The following ABTB3 variants were observed in gnomAD, a reference collection of about 807,000 sequenced individuals.
The protein encoded by ABTB3 is ankyrin repeat- and BTB/POZ domain-containing protein 3.
At chr12:107,572,665 ATGG>A in the ABTB3 span, among the ~76,000 whole-genome samples, 15 of 152,206 alleles carry the variant, frequency 9.9e-5, no homozygotes, top group South Asian at 2.9e-3. Context: ...CAGAGAGGAG[ATGG>A]TGGTTGAAGT....
chr12:107,545,364 C>G, the ABTB3 span, among the ~76,000 whole-genome samples: 1 of 152,034 alleles, frequency 6.6e-6, no homozygotes, highest in Non-Finnish European at 1.5e-5. Flanking sequence ...TCCTCAGCCC[C>G]CCTCAAGTAG....
chr12:107,360,784 CGCTCT>C, the ABTB3 span, among the ~76,000 whole-genome samples: 1 of 152,108 alleles, frequency 6.6e-6, no homozygotes, highest in Non-Finnish European at 1.5e-5. Context: ...AACAAGGTCT[CGCTCT>C]GTTGCCCAGG....
At chr12:107,626,343 C>CTTTTTTTTTTTTTTTTTTTTTTTTTTTTT in the ABTB3 span, among the ~76,000 whole-genome samples, 6 of 112,512 alleles carry the variant, frequency 5.3e-5, no homozygotes, top group African/African-American at 2.1e-4. Context: ...CTATCGTCAT[C>CTTTTTTTTTTTTTTTTTTTTTTTTTTTTT]TTTTTTTTTT....
At chr12:107,403,978 T>C in the ABTB3 span, among the ~76,000 whole-genome samples, 3 of 151,752 alleles carry the variant, frequency 2.0e-5, no homozygotes, top group African/African-American at 7.2e-5. Context: ...GCCTGGTCAA[T>C]ATGGTGAAAC....
At chr12:107,635,471 C>G in the ABTB3 span, 1 of 1,371,628 alleles carries the variant, frequency 7.3e-7, no homozygotes. Context: ...TAAGGAATGC[C>G]AGGAGGGAGG....
At chr12:107,430,207 T>C in the ABTB3 span, among the ~76,000 whole-genome samples, 1 of 152,232 alleles carries the variant, frequency 6.6e-6, no homozygotes, top group Non-Finnish European at 1.5e-5. Context: ...ATCTCTCTCC[T>C]AGAAAAATCA....
chr12:107,371,940 G>A, the ABTB3 span, among the ~76,000 whole-genome samples: 1 of 152,180 alleles, frequency 6.6e-6, no homozygotes, highest in Non-Finnish European at 1.5e-5. Context: ...CGGCATGTGA[G>A]ATGTAAACTG....
chr12:107,380,786 G>A, the ABTB3 span, among the ~76,000 whole-genome samples: 2 of 152,164 alleles, frequency 1.3e-5, no homozygotes, highest in African/African-American at 4.8e-5. Flanking sequence ...AAGGGCAAGA[G>A]GAATGTTTTA....
At chr12:107,611,330 A>G in the ABTB3 span, among the ~76,000 whole-genome samples, 2 of 152,082 alleles carry the variant, frequency 1.3e-5, no homozygotes, top group African/African-American at 2.4e-5. Flanking sequence ...ACAGGTGTGC[A>G]CCACCACACC....
the ABTB3 span, among the ~76,000 whole-genome samples, chr12:107,401,206 C>A: frequency 1.3e-5 from 2 of 152,144 alleles, no homozygotes; most frequent in African/African-American, 4.8e-5. Context: ...GGCTCAGCCT[C>A]AGAAAGCAAA....
the ABTB3 span, among the ~76,000 whole-genome samples, chr12:107,371,876 G>A: frequency 6.6e-6 from 1 of 152,084 alleles, no homozygotes; most frequent in Admixed American, 6.5e-5. Flanking sequence ...GAACTCAGAT[G>A]GGACTTCAGG....
At chr12:107,417,990 G>A in the ABTB3 span, among the ~76,000 whole-genome samples, 1 of 152,192 alleles carries the variant, frequency 6.6e-6, no homozygotes, top group Non-Finnish European at 1.5e-5. Context: ...GCAATTTTTG[G>A]GACAGAGGAA....
chr12:107,497,376 C>T, the ABTB3 span, among the ~76,000 whole-genome samples: 1 of 150,356 alleles, frequency 6.7e-6, no homozygotes. Flanking sequence ...TCACCATCGC[C>T]ACCATCATCA....
chr12:107,567,764 C>T, the ABTB3 span, among the ~76,000 whole-genome samples: 7 of 152,188 alleles, frequency 4.6e-5, no homozygotes, highest in African/African-American at 1.7e-4. Context: ...CGCATGCAAG[C>T]GATCTAGGTT....
the ABTB3 span, chr12:107,581,335 G>C: frequency 7.7e-7 from 1 of 1,300,458 alleles, no homozygotes; most frequent in Non-Finnish European, 9.7e-7. Context: ...GGGGCGGCAG[G>C]GGAGGGAGGG....
the ABTB3 span, among the ~76,000 whole-genome samples, chr12:107,563,223 C>A: frequency 1.3e-5 from 2 of 152,186 alleles, no homozygotes; most frequent in East Asian, 3.8e-4. Context: ...TTCCAGCGAA[C>A]CATTCCCTGG....
At chr12:107,474,225 G>T in the ABTB3 span, among the ~76,000 whole-genome samples, 5 of 152,176 alleles carry the variant, frequency 3.3e-5, no homozygotes, top group Non-Finnish European at 7.4e-5. Context: ...CATCCAGCAT[G>T]GGGCTGGAGA....
At chr12:107,482,229 C>G in the ABTB3 span, among the ~76,000 whole-genome samples, 2 of 152,150 alleles carry the variant, frequency 1.3e-5, no homozygotes, top group African/African-American at 4.8e-5. Flanking sequence ...TGCTATCTAG[C>G]CTGTTCCTCC....
chr12:107,584,365 A>C, the ABTB3 span, among the ~76,000 whole-genome samples: 1 of 152,208 alleles, frequency 6.6e-6, no homozygotes, highest in African/African-American at 2.4e-5. Context: ...AGGCCCATTG[A>C]GGTTATGGGA....
Sources: allele counts gnomAD v4.1 joint callset (sites outside exome capture counted in the v4.1 genomes callset), GRCh38; gene constraint gnomAD v4.1.1; transcripts MANE v1.5; gene names NCBI Gene and HGNC (gene_info 2026-07-23, HGNC 2026-07-21).